ITGA1: variants seen among roughly 807,000 people sequenced by gnomAD.
ITGA1 encodes integrin subunit alpha 1, also known as integrin alpha-1.
Under a neutral mutation model 145.9 loss-of-function variants are expected in ITGA1, and 85 were observed. The observed-to-expected ratio is 0.58, with a 90% CI of 0.49 to 0.70. The LOEUF (loss-of-function observed/expected upper bound fraction) is 0.70, where lower values mean the gene tolerates loss of function less well. Among genes scored for constraint, ITGA1 ranks in the 30% least tolerant of loss-of-function variants. The pLI is 0.00. For missense variants in ITGA1, 1,351 were observed against 1,418.7 expected, an observed-to-expected ratio of 0.95 and a Z score of 0.77; for synonymous variants, 520 against 495.3, an observed-to-expected ratio of 1.05 and a Z score of -0.66.
intron 6 of ITGA1, among the ~76,000 whole-genome samples, chr5:52,881,447 A>G (rs1162286439): frequency 1.3e-5 from 2 of 152,126 alleles, no homozygotes; most frequent in African/African-American, 2.4e-5. Context: ...TCTAGATTAT[A>G]TTGGCTGATT....
chr5:52,954,766 A>C lies in ITGA1; in HGVS notation c.*2315A>C, dbSNP rs545483285. On this transcript the variant is annotated 3_prime_UTR_variant, in exon 29 of 29. Coordinates refer to ENST00000282588, the MANE Select transcript of ITGA1 (RefSeq NM_181501.2). ...ACAAGTTTGATTCATCTAGTTTCAT[A>C]TAGTTTCATATAGTTTCATTTTTAT... is the stretch of plus-strand genomic sequence containing the variant. 34 of 148,656 alleles carry C rather than the reference A, an allele frequency of 2.3e-4. 1 individual carries two copies. In the South Asian group the frequency reaches 5.2e-3, roughly 23 times the overall value. The allele number at this position is 148,656 out of a possible 1,614,324, so 9.2% of individuals were successfully genotyped here.
intron 1 of ITGA1, among the ~76,000 whole-genome samples, chr5:52,799,032 T>C (rs1748400594): frequency 6.6e-6 from 1 of 152,134 alleles, no homozygotes; most frequent in South Asian, 2.1e-4. Context: ...TCAGATTCCT[T>C]CCTTTCATCC....
intron 6 of ITGA1, among the ~76,000 whole-genome samples, chr5:52,875,519 G>C: frequency 6.6e-6 from 1 of 152,044 alleles, no homozygotes; most frequent in East Asian, 1.9e-4. Context: ...TTAATCAAGA[G>C]GTTTAAACCA....
intron 1 of ITGA1, among the ~76,000 whole-genome samples, chr5:52,790,900 A>C (rs1561208431): frequency 6.6e-6 from 1 of 152,126 alleles, no homozygotes. Flanking sequence ...CATAATCCTC[A>C]TGTTCATTTT....
Position 52,956,742 on chromosome 5 carries a change from A to G in ITGA1, c.*4291A>G, listed in dbSNP as rs1001646435. On this transcript the variant is annotated 3_prime_UTR_variant, in exon 29 of 29. Transcript: ENST00000282588. ...ACAATCGCCAACCTCACCCATGGAA[A>G]TCATCTAAAAAATGAAAAGAAGGGC... is the stretch of plus-strand genomic sequence containing the variant. The G allele has an allele frequency of 6.6e-6, 1 of 152,232 alleles. No homozygotes were observed. The highest frequency in any genetic ancestry group is 1.5e-5 in the Non-Finnish European group (1 of 68,054). The allele number at this position is 152,232 out of a possible 1,614,324, so 9.4% of individuals were successfully genotyped here. A position where few individuals can be genotyped will look rare whatever the true frequency, so the allele number is the denominator to read the frequency against.
chr5:52,932,893 G>T (rs895375907), intron 22 of ITGA1: 9 of 151,944 alleles, frequency 5.9e-5, no homozygotes, highest in Non-Finnish European at 1.3e-4. Context: ...CCATTTTCCA[G>T]TTGAAGAATT....
chr5:52,808,435 T>C (rs1255260138), intron 1 of ITGA1, among the ~76,000 whole-genome samples: 2 of 152,184 alleles, frequency 1.3e-5, no homozygotes, highest in East Asian at 3.9e-4. Context: ...GAGGTCCTTC[T>C]GAGTTCAAGT....
At chr5:52,935,225 G>GT (rs1045704246) in intron 23 of ITGA1, among the ~76,000 whole-genome samples, 12 of 151,936 alleles carry the variant, frequency 7.9e-5, no homozygotes, top group African/African-American at 2.9e-4. Flanking sequence ...GAATAAAGGA[G>GT]TTTTTTAAAA....
chr5:52,925,959 T>A (rs2111880358), intron 19 of ITGA1, among the ~76,000 whole-genome samples: 1 of 152,278 alleles, frequency 6.6e-6, no homozygotes, highest in African/African-American at 2.4e-5. Flanking sequence ...GTAACAGAGG[T>A]TTCTTTTATT....
rs527507234 is a variant in ITGA1 at position 52,877,008 on chromosome 5, A to C, written c.625-4865A>C. Among the ~76,000 whole-genome samples, 12 of 152,304 alleles carry C rather than the reference A, an allele frequency of 7.9e-5. No homozygotes were observed. In the South Asian group the frequency reaches 2.5e-3, roughly 32 times the overall value. On this transcript the variant is annotated intron_variant, in intron 6 of 28. Coordinates refer to ENST00000282588, the MANE Select transcript of ITGA1 (RefSeq NM_181501.2). ...GAAGATGGGGGTGAATGGAGAATTT[A>C]GCATTGGAATATTAAGGGACTGAAG...
chr5:52,846,008 C>A (rs1183440233), intron 1 of ITGA1, among the ~76,000 whole-genome samples: 3 of 152,122 alleles, frequency 2.0e-5, no homozygotes, highest in Non-Finnish European at 4.4e-5. Flanking sequence ...TTACACAAAT[C>A]TAGATGGTAG....
chr5:52,887,479 G>T (rs1750072595), intron 7 of ITGA1, among the ~76,000 whole-genome samples: 1 of 152,194 alleles, frequency 6.6e-6, no homozygotes, highest in South Asian at 2.1e-4. Flanking sequence ...AGGAGCACCT[G>T]GGGGAGTGTT....
intron 18 of ITGA1, among the ~76,000 whole-genome samples, chr5:52,924,439 G>A (rs1011103643): frequency 3.3e-5 from 5 of 152,162 alleles, no homozygotes; most frequent in Non-Finnish European, 7.3e-5. Flanking sequence ...AGGAAACAAC[G>A]ACATTCGCTA....
chr5:52,801,176 TA>T (rs1232677710), intron 1 of ITGA1: 1 of 1,486,408 alleles, frequency 6.7e-7, no homozygotes, highest in Admixed American at 2.2e-5. Flanking sequence ...TGGTATAAAC[TA>T]CTCCTAAAGT....
At chr5:52,791,191 T>C (rs1253685986) in intron 1 of ITGA1, among the ~76,000 whole-genome samples, 3 of 152,202 alleles carry the variant, frequency 2.0e-5, no homozygotes, top group African/African-American at 7.2e-5. Context: ...TGATGTCACA[T>C]ATAAAGGATT....
intron 2 of ITGA1, among the ~76,000 whole-genome samples, chr5:52,859,808 A>G (rs73102285): frequency 0.29 from 44,836 of 152,078 alleles, 7,198 homozygotes; most frequent in African/African-American, 0.42. Context: ...TCCATTGTGC[A>G]TATGTCCCTC....
chr5:52,928,050 T>C (rs948445779), intron 20 of ITGA1, among the ~76,000 whole-genome samples: 1 of 152,178 alleles, frequency 6.6e-6, no homozygotes, highest in Admixed American at 6.6e-5. Flanking sequence ...AATCTGTTGG[T>C]GCCTTGATCT....
intron 26 of ITGA1, among the ~76,000 whole-genome samples, chr5:52,941,925 C>A (rs956987339): frequency 6.6e-6 from 1 of 152,080 alleles, no homozygotes; most frequent in Non-Finnish European, 1.5e-5. Flanking sequence ...ATATTTAAAT[C>A]TTTAATTTGT....
intron 18 of ITGA1, among the ~76,000 whole-genome samples, chr5:52,923,650 C>G (rs1750763012): frequency 6.6e-6 from 1 of 152,176 alleles, no homozygotes; most frequent in South Asian, 2.1e-4. Context: ...CTCTTCTAGA[C>G]TTTTTCCAAT....
Sources: allele counts gnomAD v4.1 joint callset (sites outside exome capture counted in the v4.1 genomes callset), GRCh38; gene constraint gnomAD v4.1.1; transcripts MANE v1.5; gene names NCBI Gene and HGNC (gene_info 2026-07-23, HGNC 2026-07-21).